The following CIITA variants were observed in gnomAD, a reference collection of about 807,000 sequenced individuals.
CIITA encodes the protein class II major histocompatibility complex transactivator.
A neutral mutation model predicts 115.1 loss-of-function variants in CIITA; 72 were observed. That is an observed-to-expected ratio of 0.63 (90% CI 0.52 to 0.76). The LOEUF (loss-of-function observed/expected upper bound fraction) is 0.76. Among genes scored for constraint, CIITA ranks in the 30% least tolerant of loss-of-function variants. The probability of loss-of-function intolerance (pLI) is 0.00; values close to 1 mark genes in which losing one functional copy is unlikely to be tolerated. For synonymous variants in CIITA, 763 were observed against 635.6 expected, an observed-to-expected ratio of 1.20 and a Z score of -3.02; for missense variants, 1,617 against 1,463.8, an observed-to-expected ratio of 1.10 and a Z score of -1.71.
chr16:10,892,601 G>C (rs1239035752), intron 1 of CIITA, among the ~76,000 whole-genome samples: 2 of 152,192 alleles, frequency 1.3e-5, no homozygotes, highest in African/African-American at 2.4e-5. Context: ...GAACCTGTCA[G>C]TGTGACTTTA....
chr16:10,872,405 G>C (rs1194630916), upstream of CIITA, among the ~76,000 whole-genome samples: 2 of 152,222 alleles, frequency 1.3e-5, no homozygotes, highest in East Asian at 3.8e-4. Flanking sequence ...TTATAGGCGT[G>C]AGCCACTGTG....
rs905355310 is a variant in CIITA at position 10,927,432 on chromosome 16, T to C, written c.*3577T>C. ...ATAATAGGTGCTCAATAACATAAAA[T>C]GAACAAATAATCCTCACCTAACGGT... On this transcript the variant is annotated 3_prime_UTR_variant, in exon 20 of 20. Transcript: ENST00000324288. 1 of 152,232 alleles carries C rather than the reference T, an allele frequency of 6.6e-6. No homozygotes were observed. The highest frequency in any genetic ancestry group is 1.5e-5 in the Non-Finnish European group (1 of 68,052). 9.4% of individuals were successfully genotyped at this position (152,232 alleles called of 1,614,324 possible).
At chr16:10,895,907 G>C in intron 3 of CIITA, 143 bp downstream of exon 3, 1 of 835,714 alleles carries the variant, frequency 1.2e-6, no homozygotes, top group Admixed American at 2.0e-5. Flanking sequence ...GCAATGGCTG[G>C]AGGAACGGAG....
At position 10,932,971 on chromosome 16, in the gene CIITA, G is replaced by C. The variant is rs540568452; in HGVS notation, c.*9116G>C. 6.6e-6 allele frequency: 1 copy of C among 152,180 alleles called. No individual in the cohort carries two copies. The highest frequency in any genetic ancestry group is 1.5e-5 in the Non-Finnish European group (1 of 68,042). The allele number at this position is 152,180 out of a possible 1,614,324, so 9.4% of individuals were successfully genotyped here. On this transcript the variant is annotated 3_prime_UTR_variant, in exon 20 of 20. Coordinates refer to ENST00000324288, the MANE Select transcript of CIITA (RefSeq NM_000246.4). ...GCCACAGTCAAAGCCGTCCTGAGCT[G>C]TATGCAGCCTACAGGCCGCACCACG...
rs528564931 is a variant in CIITA, at chr16:10,935,513, T to A, written c.*11658T>A. 28 of 152,358 alleles carry A rather than the reference T, an allele frequency of 1.8e-4. No individual in the cohort carries two copies. Among genetic ancestry groups the A allele is most frequent in the Non-Finnish European group, 2.9e-4 (20 of 68,032 alleles). 9.4% of individuals were successfully genotyped at this position (152,358 alleles called of 1,614,324 possible). ...TTTCTCTTTAGTGACAGACATTTTT[T>A]AAAAAATAAATTCACATAAAAAAGT... On this transcript the variant is annotated 3_prime_UTR_variant, in exon 20 of 20. Coordinates refer to ENST00000324288, the MANE Select transcript of CIITA (RefSeq NM_000246.4).
rs888773187 is a variant in CIITA at position 10,879,284 on chromosome 16, G to C, written c.52+1902G>C. Among the ~76,000 whole-genome samples, 1 of 152,190 alleles carries C rather than the reference G, an allele frequency of 6.6e-6. No homozygotes were observed. The highest frequency in any genetic ancestry group is 1.5e-5 in the Non-Finnish European group (1 of 68,026). On this transcript the variant is annotated intron_variant, in intron 1 of 19. Coordinates refer to ENST00000324288, the MANE Select transcript of CIITA (RefSeq NM_000246.4). This position sits in a 1 kb window ranked among gnomAD's most constrained non-coding sequence, Gnocchi z 4.3. ...GCCCAGAGCTCCGGGGCCGTGGGCG[G>C]GTGGCAGGAAAGCCTGGCGGCAGCT...
At chr16:10,916,224 G>A in intron 14 of CIITA, 143 bp from the exon 15 acceptor site, 1 of 761,374 alleles carries the variant, frequency 1.3e-6, no homozygotes, top group Non-Finnish European at 2.3e-6. Context: ...GAAAAGCTCA[G>A]GAATGTGCCG....
At chr16:10,937,589 C>G (rs757107548), downstream of CIITA, 1 of 152,268 alleles carries the variant, frequency 6.6e-6, no homozygotes, top group Non-Finnish European at 1.5e-5. This position sits in a 1 kb window ranked among gnomAD's most constrained non-coding sequence, Gnocchi z 4.2. Flanking sequence ...GCAACGTTCT[C>G]CAGTCTCTGC....
chr16:10,891,908 G>A (rs1036028865), intron 1 of CIITA, among the ~76,000 whole-genome samples: 2 of 152,204 alleles, frequency 1.3e-5, no homozygotes, highest in African/African-American at 2.4e-5. Flanking sequence ...CCGCTCAACC[G>A]TCATGAACAA....
Position 10,930,716 on chromosome 16 carries a change from G to A in CIITA, c.*6861G>A, listed in dbSNP as rs2040749122. 2 of 152,228 alleles carry A rather than the reference G, an allele frequency of 1.3e-5. No homozygotes were observed. The highest frequency in any genetic ancestry group is 4.1e-4 in the South Asian group (2 of 4,828). The allele number at this position is 152,228 out of a possible 1,614,324, so 9.4% of individuals were successfully genotyped here. On this transcript the variant is annotated 3_prime_UTR_variant, in exon 20 of 20. Coordinates refer to ENST00000324288, the MANE Select transcript of CIITA (RefSeq NM_000246.4). ...CGCTGAGGACCCTGCTAAGTGCCAT[G>A]AGACCTTAGCAGAGGCTGTGGGTGC...
At chr16:10,906,470 C>A in intron 10 of CIITA, 29 bp from the exon 11 acceptor site, 1 of 1,610,356 alleles carries the variant, frequency 6.2e-7, no homozygotes, top group Non-Finnish European at 8.5e-7. Context: ...TCACATACCC[C>A]CACCCTGACA....
Position 10,936,364 on chromosome 16 carries a change from G to A in CIITA, c.*12509G>A, listed in dbSNP as rs895906535. 12 of 152,210 alleles carry A rather than the reference G, an allele frequency of 7.9e-5. No individual in the cohort carries two copies. The highest frequency in any genetic ancestry group is 2.6e-4 in the African/African-American group (11 of 41,528). 9.4% of individuals were successfully genotyped at this position (152,210 alleles called of 1,614,324 possible). On this transcript the variant is annotated 3_prime_UTR_variant, in exon 20 of 20. Coordinates refer to ENST00000324288, the MANE Select transcript of CIITA (RefSeq NM_000246.4). ...TTATGCAAATTTGTCCTTGTTCTAA[G>A]GAAATAAATACTGAATTATTTAGGA...
At position 10,901,535 on chromosome 16, in the gene CIITA, C is replaced by CT; in HGVS notation, c.458_459insT (p.Asp154ArgfsTer9). On this transcript the variant is annotated frameshift_variant, in exon 6 of 20. Transcript: ENST00000324288. LOFTEE classifies it high-confidence loss of function. This position sits in a 1 kb window ranked among gnomAD's most constrained non-coding sequence, Gnocchi z 6.8. ...GCAGCCTTCCCAGAGGAGCTTCCGG[C>CT]AGACCTGAAGCACTGGAAGCCAGGT... 6.2e-7 allele frequency: 1 copy of CT among 1,614,062 alleles called. No individual in the cohort carries two copies. The highest frequency in any genetic ancestry group is 8.5e-7 in the Non-Finnish European group (1 of 1,180,014).
At chr16:10,867,597 G>A (rs1458673511) in intron 1 of CIITA, among the ~76,000 whole-genome samples, 1 of 152,070 alleles carries the variant, frequency 6.6e-6, no homozygotes, top group Non-Finnish European at 1.5e-5. Flanking sequence ...ACGGGAGAGA[G>A]AATGAAGGCC....
chr16:10,877,160 C>A, upstream of CIITA: 1 of 684,530 alleles, frequency 1.5e-6, no homozygotes, highest in Non-Finnish European at 2.7e-6. Flanking sequence ...TGTTTCTTTG[C>A]ATGTTGGCTT....
At chr16:10,883,342 C>A (rs768946177) in intron 1 of CIITA, among the ~76,000 whole-genome samples, 5 of 152,120 alleles carry the variant, frequency 3.3e-5, no homozygotes, top group Non-Finnish European at 7.4e-5. Flanking sequence ...ACCAGGCAAG[C>A]GGGGAAGGGA....
intron 16 of CIITA, among the ~76,000 whole-genome samples, chr16:10,921,003 G>C (rs1344185891): frequency 1.3e-5 from 2 of 152,154 alleles, no homozygotes; most frequent in Non-Finnish European, 2.9e-5. Flanking sequence ...CAAGTAGCTG[G>C]GAGTATAGGC....
intron 1 of CIITA, among the ~76,000 whole-genome samples, chr16:10,871,636 C>G (rs949559838): frequency 6.6e-6 from 1 of 152,106 alleles, no homozygotes; most frequent in African/African-American, 2.4e-5. Context: ...CCCATCTGGC[C>G]CTTAGGATGT....
intron 8 of CIITA, among the ~76,000 whole-genome samples, chr16:10,903,311 G>T (rs11641762): frequency 0.51 from 78,128 of 152,008 alleles, 21,132 homozygotes; most frequent in South Asian, 0.63. Context: ...AGGTGTGTTT[G>T]GGCTGTCAGG....
Sources: allele counts gnomAD v4.1 joint callset (sites outside exome capture counted in the v4.1 genomes callset), GRCh38; gene constraint gnomAD v4.1.1; non-coding constraint Gnocchi (gnomAD v3.1); transcripts MANE v1.5; gene names NCBI Gene and HGNC (gene_info 2026-07-23, HGNC 2026-07-21).